NOC3L: variants seen among roughly 807,000 people sequenced by gnomAD.
NOC3L encodes NOC3 like DNA replication regulator.
Under a neutral mutation model 102.5 loss-of-function variants are expected in NOC3L, and 85 were observed. The ratio of observed to expected loss-of-function variants is 0.83; its 90% CI spans 0.70 to 0.99. The LOEUF is 0.99. Among genes scored for constraint, NOC3L ranks in the 50% least tolerant of loss-of-function variants. NOC3L has a pLI of 0.00. For synonymous variants in NOC3L, 303 were observed against 309.4 expected (o/e 0.98, Z 0.22); for missense variants, 878 against 914.9 (o/e 0.96, Z 0.52).
intron 13 of NOC3L, among the ~76,000 whole-genome samples, chr10:94,344,136 T>C (rs1037092600): frequency 1.3e-5 from 2 of 152,150 alleles, no homozygotes; most frequent in Admixed American, 6.5e-5. Context: ...GACTACACAG[T>C]GCAGAAAGAG....
At chr10:94,350,942 A>G (rs991009329) in intron 8 of NOC3L, among the ~76,000 whole-genome samples, 6 of 152,104 alleles carry the variant, frequency 3.9e-5, no homozygotes, top group African/African-American at 1.4e-4. Flanking sequence ...AATGTAAGAC[A>G]TTAATTTTTA....
chr10:94,344,945 T>C lies in NOC3L; in HGVS notation c.1390-12A>G, dbSNP rs558410513. 37 of 1,592,724 alleles carry C rather than the reference T, an allele frequency of 2.3e-5. No homozygotes were observed. In the Admixed American group the frequency reaches 3.4e-4, roughly 15 times the overall value. ...TCTGCTTTCTTCCACTGAAAATAGA[T>C]TGAAAAACAAAAATCTAAGAGCATA... On this transcript the variant is annotated splice_polypyrimidine_tract_variant and intron_variant, in intron 11 of 20. Transcript: ENST00000371361.
downstream of NOC3L, chr10:94,330,584 G>A (rs574315481): frequency 2.5e-4 from 38 of 152,100 alleles, no homozygotes; most frequent in African/African-American, 8.9e-4. Flanking sequence ...CAGCTATTGG[G>A]GAGGCTGAGG....
intron 2 of NOC3L, among the ~76,000 whole-genome samples, chr10:94,359,043 T>G (rs1388857862): frequency 6.6e-6 from 1 of 151,908 alleles, no homozygotes; most frequent in Non-Finnish European, 1.5e-5. Context: ...TGCCAGGCAC[T>G]ATTTGAAGTG....
chr10:94,325,247 G>A, the NOC3L span: 1 of 663,580 alleles, frequency 1.5e-6, no homozygotes, highest in Non-Finnish European at 2.7e-6. Context: ...CTTAAAACAG[G>A]AAAAGGGCTC....
At chr10:94,337,712 T>G in intron 19 of NOC3L, 65 bp downstream of exon 19, 10 of 1,058,634 alleles carry the variant, frequency 9.4e-6, no homozygotes, top group Non-Finnish European at 1.4e-5. Flanking sequence ...TGAAACAGTC[T>G]TCTCATAGTA....
In NOC3L at chr10:94,339,917, G is replaced by A. The variant is rs142186446; in HGVS notation, c.1784C>T (p.Ala595Val). 188 of 1,612,930 alleles carry A rather than the reference G, an allele frequency of 1.2e-4. 1 individual carries two copies. The Middle Eastern group carries it at 2.6e-3, about 23-fold the overall frequency. ...YKTLFKLHAGATNEGVEIVLQ... is the reference protein window; with the variant it reads ...YKTLFKLHAGVTNEGVEIVLQ... ...TACAATCTCAACACCTTCATTGGTAGCACCTAAAACAGCAGACATATTCTT... is the reference window on the plus strand; with the variant it reads ...TACAATCTCAACACCTTCATTGGTAACACCTAAAACAGCAGACATATTCTT... The change falls in exon 17 of 21, where the codon GCT (alanine) becomes GTT (valine). Residue 595 changes from alanine (A) to valine (V), a missense_variant. Ala to Val is a moderately conservative substitution (Grantham distance 64, BLOSUM62 0). Coordinates refer to ENST00000371361, the MANE Select transcript of NOC3L (RefSeq NM_022451.11).
chr10:94,339,983 G>A, intron 16 of NOC3L, 63 bp from the exon 17 acceptor site: 1 of 1,403,894 alleles, frequency 7.1e-7, no homozygotes, highest in Non-Finnish European at 9.8e-7. Context: ...CAACTGGACT[G>A]AACTTCAGAT....
At chr10:94,341,605 A>ACC in intron 14 of NOC3L, 68 bp downstream of exon 14, 1 of 809,872 alleles carries the variant, frequency 1.2e-6, no homozygotes, top group Non-Finnish European at 1.9e-6. Flanking sequence ...TATCTCAATA[A>ACC]ACCTGAAAAA....
chr10:94,338,785 A>G (rs1192901384), intron 17 of NOC3L, 49 bp from the exon 18 acceptor site: 16 of 1,532,560 alleles, frequency 1.0e-5, no homozygotes, highest in South Asian at 2.3e-5. Flanking sequence ...CATTGTTAAT[A>G]TAAGAGGTGT....
intron 18 of NOC3L, among the ~76,000 whole-genome samples, chr10:94,338,080 G>A (rs772973626): frequency 2.1e-4 from 32 of 152,200 alleles, no homozygotes; most frequent in Non-Finnish European, 3.7e-4. Flanking sequence ...AGTTACCAGT[G>A]AAGTAGTTTA....
At chr10:94,338,924 A>T (rs2054251676) in intron 17 of NOC3L, among the ~76,000 whole-genome samples, 188 bp from the exon 18 acceptor site, 1 of 152,182 alleles carries the variant, frequency 6.6e-6, no homozygotes, top group Admixed American at 6.5e-5. Context: ...GCAAAAAAAA[A>T]TTTTATCTTT....
chr10:94,322,674 A>G, the NOC3L span, among the ~76,000 whole-genome samples: 4 of 151,982 alleles, frequency 2.6e-5, no homozygotes, highest in Non-Finnish European at 5.9e-5. Context: ...AATCCCAGCT[A>G]CTTGGGAGGC....
Position 94,359,450 on chromosome 10 carries a change from C to CA in NOC3L, c.218-1236dup, listed in dbSNP as rs1331380365. ...GGGCAACAAGTGTGAAACTCCGTCT[C>CA]AAAAAAAAAAACAAAAAAAGACCCT... On this transcript the variant is annotated intron_variant, in intron 2 of 20. Transcript: ENST00000371361. 4.1e-3 allele frequency among the ~76,000 whole-genome samples: 514 copies of CA among 126,536 alleles called. 1 individual carries two copies. The highest frequency in any genetic ancestry group is 0.011 in the African/African-American group (389 of 34,448). 83.0% of individuals were successfully genotyped at this position (126,536 alleles called of 152,430 possible).
chr10:94,340,181 C>A (rs1812923383), intron 16 of NOC3L, 95 bp downstream of exon 16: 1 of 1,045,178 alleles, frequency 9.6e-7, no homozygotes, highest in African/African-American at 1.6e-5. Flanking sequence ...ATTTTATGTA[C>A]CTGTTCCTAT....
At chr10:94,322,368 A>ACAAC in the NOC3L span, among the ~76,000 whole-genome samples, 1 of 151,948 alleles carries the variant, frequency 6.6e-6, no homozygotes, top group East Asian at 1.9e-4. Context: ...GAAAAAAAAA[A>ACAAC]CAACCAACCC....
chr10:94,360,323 T>A (rs55980465), intron 2 of NOC3L, among the ~76,000 whole-genome samples: 5,976 of 151,356 alleles, frequency 0.039, 148 homozygotes, highest in African/African-American at 0.071. Flanking sequence ...TCAAAAAAAA[T>A]AATAATAATA....
intron 10 of NOC3L, 144 bp downstream of exon 10, chr10:94,349,106 A>G (rs762540940): frequency 3.7e-6 from 3 of 819,190 alleles, no homozygotes; most frequent in Non-Finnish European, 5.5e-6. Flanking sequence ...AGTATCAAAC[A>G]TTTCAGGAGT....
the NOC3L span, among the ~76,000 whole-genome samples, chr10:94,323,132 C>G: frequency 6.6e-6 from 1 of 152,170 alleles, no homozygotes; most frequent in East Asian, 1.9e-4. Flanking sequence ...CCAGTAGGTA[C>G]TGACCATCTC....
Sources: gnomAD v4.1 joint callset for allele counts (sites outside exome capture counted in the v4.1 genomes callset) on GRCh38, gnomAD v4.1.1 for gene constraint, MANE v1.5 for transcripts, NCBI Gene and HGNC (gene_info 2026-07-23, HGNC 2026-07-21) for gene names.